Variants in CLVS1 observed in about 807,000 individuals in gnomAD.
CLVS1 encodes the protein clavesin 1, also known as clavesin-1.
CLVS1 carries 10 observed loss-of-function variants against 33.1 expected under a neutral mutation model. The ratio of observed to expected loss-of-function variants is 0.30; its 90% CI spans 0.19 to 0.51. CLVS1 has a LOEUF of 0.51. Among genes scored for constraint, CLVS1 ranks in the 20% least tolerant of loss-of-function variants. The pLI is 0.97. For synonymous variants in CLVS1, 163 were observed against 166.1 expected (o/e 0.98, Z 0.14); for missense variants, 343 against 433.4 (o/e 0.79, Z 1.85).
chr8:61,485,446 C>A (rs1803841462), intron 5 of CLVS1, among the ~76,000 whole-genome samples: 1 of 152,164 alleles, frequency 6.6e-6, no homozygotes, highest in Non-Finnish European at 1.5e-5. Flanking sequence ...CAGGAAACAA[C>A]AGGTGCTAGA....
At chr8:61,418,299 G>A (rs1248869074) in intron 3 of CLVS1, among the ~76,000 whole-genome samples, 1 of 152,108 alleles carries the variant, frequency 6.6e-6, no homozygotes, top group Non-Finnish European at 1.5e-5. Context: ...CCACGAGTTT[G>A]TGACCAGCCT....
chr8:61,145,302 C>T (rs1806393295), intron 2 of CLVS1, among the ~76,000 whole-genome samples: 1 of 152,218 alleles, frequency 6.6e-6, no homozygotes, highest in African/African-American at 2.4e-5. Context: ...AGGATATGAA[C>T]AGACACTTCT....
chr8:61,474,560 T>G (rs1452025971), intron 5 of CLVS1, among the ~76,000 whole-genome samples: 5 of 152,174 alleles, frequency 3.3e-5, no homozygotes. Context: ...CACTAGGATA[T>G]CTCAATGCTA....
At chr8:61,014,980 G>A in the CLVS1 span, among the ~76,000 whole-genome samples, 1 of 152,214 alleles carries the variant, frequency 6.6e-6, no homozygotes, top group Admixed American at 6.5e-5. Flanking sequence ...TGTTCACAGG[G>A]CAAGGACAAG....
At chr8:61,400,445 C>T (rs1310236489) in intron 3 of CLVS1, among the ~76,000 whole-genome samples, 1 of 152,094 alleles carries the variant, frequency 6.6e-6, no homozygotes, top group Non-Finnish European at 1.5e-5. Context: ...GAGATGATGG[C>T]ATTTTCTAGA....
intron 2 of CLVS1, among the ~76,000 whole-genome samples, chr8:61,260,369 C>T (rs567802403): frequency 1.1e-4 from 16 of 152,252 alleles, no homozygotes; most frequent in South Asian, 4.1e-4. Flanking sequence ...GCAAATAAAA[C>T]GGATGAGTAG....
intron 2 of CLVS1, among the ~76,000 whole-genome samples, chr8:61,185,143 G>GCTTTTTTTTTTTTTTTTTTTT (rs376138569): frequency 1.4e-5 from 2 of 143,764 alleles, no homozygotes; most frequent in Non-Finnish European, 1.5e-5. Flanking sequence ...AGAGAGTATA[G>GCTTTTTTTTTTTTTTTTTTTT]TTTTTGTTTT....
intron 2 of CLVS1, among the ~76,000 whole-genome samples, chr8:61,323,902 T>G (rs973191576): frequency 6.6e-6 from 1 of 152,198 alleles, no homozygotes; most frequent in Admixed American, 6.5e-5. Context: ...TGTTTTGTTT[T>G]CTGTCCTTGT....
chr8:61,396,685 C>T (rs115539207), intron 3 of CLVS1, among the ~76,000 whole-genome samples: 3,140 of 152,188 alleles, frequency 0.021, 88 homozygotes, highest in African/African-American at 0.071. Context: ...AATCATTCTC[C>T]GTTTATTACT....
chr8:61,053,001 T>C (rs1479207632), upstream of CLVS1, among the ~76,000 whole-genome samples: 1 of 152,142 alleles, frequency 6.6e-6, no homozygotes, highest in African/African-American at 2.4e-5. Flanking sequence ...TGGATTGACG[T>C]GATTTACTGA....
At chr8:61,405,598 G>A (rs1814955097) in intron 3 of CLVS1, among the ~76,000 whole-genome samples, 1 of 151,914 alleles carries the variant, frequency 6.6e-6, no homozygotes, top group Non-Finnish European at 1.5e-5. Context: ...ACATAACAGG[G>A]CCCCTCTACA....
intron 2 of CLVS1, among the ~76,000 whole-genome samples, chr8:61,141,826 G>A (rs867162118): frequency 6.6e-6 from 1 of 152,164 alleles, no homozygotes; most frequent in Non-Finnish European, 1.5e-5. Flanking sequence ...TGCTGGTGAC[G>A]TAGTTCCAGA....
chr8:61,403,255 A>G (rs934382927), intron 3 of CLVS1, among the ~76,000 whole-genome samples: 2 of 152,210 alleles, frequency 1.3e-5, no homozygotes, highest in Non-Finnish European at 2.9e-5. Flanking sequence ...TCTAAAGTAA[A>G]GTGACTGGGA....
At chr8:61,122,363 A>C (rs1452104949) in intron 1 of CLVS1, among the ~76,000 whole-genome samples, 1 of 152,200 alleles carries the variant, frequency 6.6e-6, no homozygotes, top group Non-Finnish European at 1.5e-5. Flanking sequence ...CCTCATACTC[A>C]GGATCCTTAC....
At chr8:61,291,457 A>G (rs1809988041) in intron 1 of CLVS1, among the ~76,000 whole-genome samples, 1 of 152,106 alleles carries the variant, frequency 6.6e-6, no homozygotes, top group African/African-American at 2.4e-5. Context: ...AAAGTTCCAT[A>G]TATTTGTGTG....
At chr8:61,150,101 G>GGGGTGTGTGTGTGTGTGTGTGTGT (rs1554540381) in intron 2 of CLVS1, among the ~76,000 whole-genome samples, 2 of 146,438 alleles carry the variant, frequency 1.4e-5, no homozygotes, top group African/African-American at 5.1e-5. Context: ...ATTTGAGAAA[G>GGGGTGTGTGTGTGTGTGTGTGTGT]GTGTGTGTGT....
chr8:61,204,814 C>A (rs1413408710), intron 2 of CLVS1, among the ~76,000 whole-genome samples: 2 of 152,064 alleles, frequency 1.3e-5, no homozygotes, highest in Non-Finnish European at 2.9e-5. Context: ...GAGCTTTTGC[C>A]ACTAAAAAAT....
At chr8:61,297,578 T>A (rs965144783) in intron 1 of CLVS1, among the ~76,000 whole-genome samples, 3 of 152,116 alleles carry the variant, frequency 2.0e-5, no homozygotes, top group Non-Finnish European at 4.4e-5. Context: ...TTAGTTTAGT[T>A]TTGAACAGAT....
intron 5 of CLVS1, among the ~76,000 whole-genome samples, chr8:61,498,188 A>AAAGG (rs1447803897): frequency 1.3e-5 from 2 of 152,282 alleles, no homozygotes; most frequent in Non-Finnish European, 2.9e-5. Context: ...TACTGCCTTA[A>AAAGG]AAGGGTCAAA....
Sources: allele counts gnomAD v4.1 joint callset (sites outside exome capture counted in the v4.1 genomes callset), GRCh38; gene constraint gnomAD v4.1.1; transcripts MANE v1.5; gene names NCBI Gene and HGNC (gene_info 2026-07-23, HGNC 2026-07-21).